THADA: variants seen among roughly 807,000 people sequenced by gnomAD.
THADA encodes the protein THADA armadillo repeat containing.
THADA carries 213 observed loss-of-function variants against 219.8 expected under a neutral mutation model. The ratio of observed to expected loss-of-function variants is 0.97; its 90% confidence interval spans 0.87 to 1.09. The LOEUF (loss-of-function observed/expected upper bound fraction) is 1.09. Ranked by LOEUF, THADA falls within the 50% of genes least tolerant of loss-of-function variation. The pLI, the probability that THADA is intolerant of heterozygous loss-of-function variation, is 0.00. For missense variants in THADA, 2,956 were observed against 2,311.3 expected, an observed-to-expected ratio of 1.28 and a Z score of -5.72; for synonymous variants, 1,018 against 828.9, an observed-to-expected ratio of 1.23 and a Z score of -3.92.
In THADA at chr2:43,570,394, C is replaced by G; in HGVS notation, c.2181G>C (p.Gln727His). 1.2e-6 allele frequency: 2 copies of G among 1,610,256 alleles called. No individual in the cohort carries two copies. The highest frequency in any genetic ancestry group is 1.1e-5 in the South Asian group (1 of 89,986). Residue 727 changes from glutamine to histidine, a missense_variant, in exon 14 of 38, where the codon CAG (glutamine) becomes CAC (histidine). Physicochemically the swap from Gln to His is conservative, Grantham distance 24. Transcript: ENST00000405975. Reference protein sequence around the residue: ...TKQHPSVSLQQYKNFMSSICN... With the variant: ...TKQHPSVSLQHYKNFMSSICN... ...TTAGAAATATATCACCTACCTTATA[C>G]TGCTGTAAAGAAACAGAAGGGTGCT...
At chr2:43,362,302 T>C (rs571750769) in intron 29 of THADA, among the ~76,000 whole-genome samples, 53 of 152,346 alleles carry the variant, frequency 3.5e-4, no homozygotes, top group African/African-American at 1.2e-3. Context: ...TATGGGTGCA[T>C]GTGTTTAAAA....
rs1380244876 is a variant in THADA at position 43,571,723 on chromosome 2, C to G, written c.2048G>C (p.Cys683Ser). Residue 683 changes from cysteine to serine, a missense_variant, in exon 13 of 38, where the codon TGT becomes TCT. Physicochemically the swap from Cys to Ser is moderately radical, Grantham distance 112 (BLOSUM62 -1). Transcript: ENST00000405975. Reference sequence around the variant, plus strand: ...AAATTCTACCTTTTTAAGAAGAGAACAGATCTGTTGCCGCACTCCTGGAGA... The same window carrying G: ...AAATTCTACCTTTTTAAGAAGAGAAGAGATCTGTTGCCGCACTCCTGGAGA... ...SQSPGVRQQI[C>S]SLLKKLFCRI... is the part of the protein sequence containing the mutation. 5 of 1,613,432 alleles carry G rather than the reference C, an allele frequency of 3.1e-6. No individual in the cohort carries two copies. Among genetic ancestry groups the G allele is most frequent in the South Asian group, 1.1e-5 (1 of 91,024 alleles).
intron 27 of THADA, among the ~76,000 whole-genome samples, chr2:43,428,815 G>C (rs1678856496): frequency 1.3e-5 from 2 of 152,132 alleles, no homozygotes; most frequent in South Asian, 4.1e-4. Flanking sequence ...GATTAGAACT[G>C]TTCCTACAGT....
intron 29 of THADA, among the ~76,000 whole-genome samples, chr2:43,366,380 G>A (rs1325638578): frequency 1.3e-5 from 2 of 152,174 alleles, no homozygotes; most frequent in Non-Finnish European, 2.9e-5. Context: ...TGAAGAATGT[G>A]GAGTTTTCAC....
At chr2:43,576,204 A>G (rs1699839851) in intron 10 of THADA, among the ~76,000 whole-genome samples, 1 of 152,230 alleles carries the variant, frequency 6.6e-6, no homozygotes, top group African/African-American at 2.4e-5. Context: ...AAATTTATGA[A>G]TTGCATAATA....
intron 11 of THADA, 85 bp downstream of exon 11, chr2:43,574,251 T>A: frequency 2.2e-6 from 2 of 928,648 alleles, no homozygotes; most frequent in Non-Finnish European, 3.2e-6. Flanking sequence ...GATATTTAAA[T>A]TTGAATATGA....
chr2:43,376,997 G>A (rs920538597), intron 29 of THADA, among the ~76,000 whole-genome samples: 2 of 152,114 alleles, frequency 1.3e-5, no homozygotes, highest in African/African-American at 4.8e-5. Flanking sequence ...CCCATTCATG[G>A]AGTACACGGC....
intron 29 of THADA, among the ~76,000 whole-genome samples, chr2:43,384,008 C>A (rs1379960985): frequency 6.6e-6 from 1 of 152,082 alleles, no homozygotes; most frequent in Non-Finnish European, 1.5e-5. Flanking sequence ...ACACAGGCTA[C>A]CCCCCTACCC....
intron 22 of THADA, among the ~76,000 whole-genome samples, chr2:43,518,788 T>C (rs1239258316): frequency 1.3e-5 from 2 of 152,170 alleles, no homozygotes; most frequent in East Asian, 1.9e-4. Flanking sequence ...TTCAAACATA[T>C]ACCTCCAGCT....
chr2:43,591,751 T>C (rs757253103), intron 3 of THADA, among the ~76,000 whole-genome samples: 1 of 152,198 alleles, frequency 6.6e-6, no homozygotes, highest in African/African-American at 2.4e-5. Flanking sequence ...AGTTCAATTA[T>C]GATAGAAGTC....
At chr2:43,579,951 T>C (rs17031088) in intron 8 of THADA, among the ~76,000 whole-genome samples, 25,339 of 151,836 alleles carry the variant, frequency 0.17, 2,716 homozygotes, top group African/African-American at 0.3. Context: ...CTTTACTGAT[T>C]ATGAAGCTTT....
At position 43,385,430 on chromosome 2, in the gene THADA, C is replaced by A. The variant is rs941488550; in HGVS notation, c.4227+12541G>T. On this transcript the variant is annotated intron_variant, in intron 29 of 37. Coordinates refer to ENST00000405975, the MANE Select transcript of THADA (RefSeq NM_022065.5). ...GACCATCCTGGCTAACATGGTGAAA[C>A]CCCGTCTCTACTAAAAATACAAAAA... Among the ~76,000 whole-genome samples the A allele has an allele frequency of 2.2e-3, 328 of 151,814 alleles. 1 individual carries two copies. Among genetic ancestry groups the A allele is most frequent in the Non-Finnish European group, 3.8e-3 (256 of 67,916 alleles).
intron 28 of THADA, among the ~76,000 whole-genome samples, chr2:43,415,602 C>T (rs1183882519): frequency 7.2e-5 from 11 of 152,142 alleles, no homozygotes. Context: ...AATATTTATC[C>T]AAGGTTGGGC....
In THADA at chr2:43,519,661, A is replaced by G. The variant is rs986683807; in HGVS notation, c.3374+8218T>C. Reference sequence around the variant, plus strand: ...TGTGGCCTACCATATCATATTCTCAATGGTCAAAGAGAGCTCAGTCAAACA... The same window carrying G: ...TGTGGCCTACCATATCATATTCTCAGTGGTCAAAGAGAGCTCAGTCAAACA... On this transcript the variant is annotated intron_variant, in intron 22 of 37. Transcript: ENST00000405975. Among the ~76,000 whole-genome samples the G allele has an allele frequency of 5.3e-5, 8 of 152,272 alleles. No individual in the cohort carries two copies. The South Asian group carries it at 1.2e-3, about 24-fold the overall frequency.
intron 29 of THADA, among the ~76,000 whole-genome samples, chr2:43,346,174 G>GA (rs1447454132): frequency 6.6e-6 from 1 of 152,162 alleles, no homozygotes; most frequent in Non-Finnish European, 1.5e-5. Context: ...AGAGGGAGAA[G>GA]AGAAGACAGG....
Position 43,571,850 on chromosome 2 carries a change from T to C in THADA, c.1921A>G (p.Thr641Ala). Residue 641 changes from threonine to alanine, a missense_variant, in exon 13 of 38, where the codon ACA becomes GCA. Physicochemically the swap from Thr to Ala is moderately conservative, Grantham distance 58 (BLOSUM62 0). Coordinates refer to ENST00000405975, the MANE Select transcript of THADA (RefSeq NM_022065.5). Reference protein sequence around the residue: ...IHQHCQVRIDTLGLLCESNRS... With the variant: ...IHQHCQVRIDALGLLCESNRS... ...TTACTTTCACAAAGCAAGCCTAATG[T>C]ATCTATCCTTACCTAAAAAACATCA... The C allele has an allele frequency of 1.2e-6, 2 of 1,613,584 alleles. No individual in the cohort carries two copies. The highest frequency in any genetic ancestry group is 1.7e-5 in the Admixed American group (1 of 59,932).
chr2:43,524,129 T>C (rs1362739420), intron 22 of THADA, among the ~76,000 whole-genome samples: 1 of 152,196 alleles, frequency 6.6e-6, no homozygotes, highest in Non-Finnish European at 1.5e-5. Context: ...ATGATGTTTT[T>C]TAAGGAGAAC....
At chr2:43,405,869 A>T (rs572161429) in intron 28 of THADA, among the ~76,000 whole-genome samples, 3 of 151,976 alleles carry the variant, frequency 2.0e-5, no homozygotes, top group Admixed American at 2.0e-4. Context: ...TTAAACCCTT[A>T]AAAAAAATTA....
At chr2:43,411,482 T>C (rs911403588) in intron 28 of THADA, among the ~76,000 whole-genome samples, 6 of 152,194 alleles carry the variant, frequency 3.9e-5, no homozygotes, top group African/African-American at 9.6e-5. Context: ...AGGTAAAAGA[T>C]TCCCCTCCCC....
Sources: gnomAD v4.1 joint callset for allele counts (sites outside exome capture counted in the v4.1 genomes callset) on GRCh38, gnomAD v4.1.1 for gene constraint, MANE v1.5 for transcripts, NCBI Gene and HGNC (gene_info 2026-07-23, HGNC 2026-07-21) for gene names.